Variants in RNF4 observed in about 807,000 individuals in gnomAD.
RNF4 encodes E3 ubiquitin-protein ligase RNF4.
A neutral mutation model predicts 24.3 loss-of-function variants in RNF4; 7 were observed. The ratio of observed to expected loss-of-function variants is 0.29; its 90% CI spans 0.16 to 0.54. RNF4 has a LOEUF of 0.54. Among genes scored for constraint, RNF4 ranks in the 20% least tolerant of loss-of-function variants. The pLI, the probability that RNF4 is intolerant of heterozygous loss-of-function variation, is 0.95. For synonymous variants in RNF4, 83 were observed against 84.3 expected (o/e 0.98, Z 0.09); for missense variants, 209 against 248.5 (o/e 0.84, Z 1.07).
At chr4:2,505,074 T>C (rs1736037304) in intron 4 of RNF4, 2 of 152,026 alleles carry the variant, frequency 1.3e-5, no homozygotes, top group African/African-American at 4.8e-5. Flanking sequence ...TATATAAACT[T>C]TTTTCATCAT....
intron 1 of RNF4, chr4:2,470,184 G>T (rs1053323951): frequency 6.6e-6 from 1 of 152,234 alleles, no homozygotes; most frequent in Non-Finnish European, 1.5e-5. Flanking sequence ...CTGTCCAACT[G>T]ACTGGGGAGA....
rs902162685 is a variant in RNF4, at chr4:2,512,460, T to C, written c.237T>C (p.Asn79=). ...TAGAAAGAAGAAGACCAAGGAGGAA[T>C]GCTAGGAGGCTGCCCCAGGACCATG... ...IVDERRRPRR[N]ARRLPQDHAD... Residue 79 remains asparagine (N), a synonymous_variant, in exon 6 of 8, where the codon AAT becomes AAC. Transcript: ENST00000314289. This position sits in a 1 kb window ranked among gnomAD's most constrained non-coding sequence, Gnocchi z 4.1. 12 of 1,612,526 alleles carry C rather than the reference T, an allele frequency of 7.4e-6. No homozygotes were observed. Among genetic ancestry groups the C allele is most frequent in the African/African-American group, 2.7e-5 (2 of 74,940 alleles).
chr4:2,498,231 T>G (rs1300815811), intron 3 of RNF4, among the ~76,000 whole-genome samples: 1 of 152,168 alleles, frequency 6.6e-6, no homozygotes, highest in Non-Finnish European at 1.5e-5. Context: ...TCAGCCAGGT[T>G]GGAGTGCAAT....
chr4:2,509,130 G>T (rs2108777705), intron 4 of RNF4, among the ~76,000 whole-genome samples: 1 of 150,366 alleles, frequency 6.7e-6, no homozygotes, highest in African/African-American at 2.4e-5. Context: ...TGTTGGCCAG[G>T]CTGGTCTCAA....
At chr4:2,509,007 C>T (rs542179024) in intron 4 of RNF4, among the ~76,000 whole-genome samples, 1 of 151,144 alleles carries the variant, frequency 6.6e-6, no homozygotes, top group African/African-American at 2.4e-5. Flanking sequence ...CAGCCTCCAC[C>T]TCCCGGGCTC....
At position 2,510,310 on chromosome 4, in the gene RNF4, A is replaced by T. The variant is rs1234273039; in HGVS notation, c.205-1646A>T. Reference sequence around the variant, plus strand: ...CAGTGTCTGGGCTGGGTCTCCAGGAATAACTCTTGACCTCGAAGCATTGAC... The same window carrying T: ...CAGTGTCTGGGCTGGGTCTCCAGGATTAACTCTTGACCTCGAAGCATTGAC... On this transcript the variant is annotated intron_variant, in intron 4 of 7. Transcript: ENST00000314289. Among the ~76,000 whole-genome samples the T allele has an allele frequency of 6.6e-5, 10 of 152,310 alleles. No homozygotes were observed. In the East Asian group the frequency reaches 1.9e-3, roughly 29 times the overall value.
At chr4:2,479,146 T>A (rs1449731298) in intron 1 of RNF4, among the ~76,000 whole-genome samples, 1 of 152,248 alleles carries the variant, frequency 6.6e-6, no homozygotes, top group Non-Finnish European at 1.5e-5. Context: ...CCCCTTTGTT[T>A]TGGCCAATTT....
chr4:2,485,138 C>T (rs2108756942), intron 1 of RNF4, among the ~76,000 whole-genome samples: 1 of 152,306 alleles, frequency 6.6e-6, no homozygotes, highest in East Asian at 1.9e-4. Context: ...CTCTAGACAG[C>T]CCGGCTTGAT....
At chr4:2,502,559 C>T (rs1478113507) in intron 4 of RNF4, among the ~76,000 whole-genome samples, 1 of 151,802 alleles carries the variant, frequency 6.6e-6, no homozygotes. Context: ...GTAGTCCCAG[C>T]TATTCAGGAG....
At chr4:2,484,071 C>CCCCCCCCCG (rs141021221) in intron 1 of RNF4, among the ~76,000 whole-genome samples, 1 of 50,234 alleles carries the variant, frequency 2.0e-5, no homozygotes, top group Non-Finnish European at 5.5e-5. Context: ...AGGTGATCCC[C>CCCCCCCCCG]CCCCGCCTCG....
At chr4:2,472,782 G>A (rs1033233790) in intron 1 of RNF4, among the ~76,000 whole-genome samples, 9 of 152,010 alleles carry the variant, frequency 5.9e-5, no homozygotes, top group East Asian at 3.9e-4. Context: ...TGGCTCACCC[G>A]TGTAATCCCA....
chr4:2,477,117 G>C (rs967496601), intron 1 of RNF4, among the ~76,000 whole-genome samples: 14 of 152,068 alleles, frequency 9.2e-5, no homozygotes, highest in African/African-American at 3.4e-4. Context: ...TAATCCTCTT[G>C]CCTCAGTGTC....
At chr4:2,493,730 T>G (rs550142754) in intron 2 of RNF4, among the ~76,000 whole-genome samples, 10 of 97,998 alleles carry the variant, frequency 1.0e-4, no homozygotes, top group Admixed American at 4.4e-4. Context: ...AGCAACAGAG[T>G]GAGACTCCGT....
At chr4:2,476,357 C>G (rs1280415545) in intron 1 of RNF4, among the ~76,000 whole-genome samples, 1 of 152,054 alleles carries the variant, frequency 6.6e-6, no homozygotes, top group Non-Finnish European at 1.5e-5. Flanking sequence ...TAGAAATGTT[C>G]TCTCCTATTC....
At chr4:2,505,508 G>C (rs946208248) in intron 4 of RNF4, 1 of 150,580 alleles carries the variant, frequency 6.6e-6, no homozygotes, top group Non-Finnish European at 1.5e-5. Flanking sequence ...TGTATTTTTA[G>C]TAGAGACGGG....
At chr4:2,475,162 A>G (rs846240) in intron 1 of RNF4, among the ~76,000 whole-genome samples, 128,452 of 152,210 alleles carry the variant, frequency 0.84, 54,254 homozygotes, top group South Asian at 0.89. Flanking sequence ...TCAAATGATC[A>G]TTAGCATTTT....
At chr4:2,476,848 C>G (rs2108750362) in intron 1 of RNF4, among the ~76,000 whole-genome samples, 1 of 148,944 alleles carries the variant, frequency 6.7e-6, no homozygotes, top group African/African-American at 2.5e-5. Context: ...CTTGTTCTTT[C>G]TCAACTCACT....
In RNF4 at chr4:2,512,361, A is replaced by C. The variant is rs767401884; in HGVS notation, c.215-77A>C. On this transcript the variant is annotated intron_variant, in intron 5 of 7. Transcript: ENST00000314289. The surrounding 1 kb of genome is among the most constrained non-coding windows in gnomAD (Gnocchi z 4.1). ...CAGGCAGGGAAGGAAGAGGGTCTTA[A>C]GAGGCGTCAGGATGGGAGTGGTGAG... 10 of 1,507,408 alleles carry C rather than the reference A, an allele frequency of 6.6e-6. No homozygotes were observed. Among genetic ancestry groups the C allele is most frequent in the Non-Finnish European group, 8.1e-6 (9 of 1,107,424 alleles). 93.4% of individuals were successfully genotyped at this position (1,507,408 alleles called of 1,614,324 possible). A position where few individuals can be genotyped will look rare whatever the true frequency, so the allele number is the denominator to read the frequency against.
chr4:2,485,024 G>A (rs1170017256), intron 1 of RNF4, among the ~76,000 whole-genome samples: 1 of 152,180 alleles, frequency 6.6e-6, no homozygotes, highest in Non-Finnish European at 1.5e-5. Context: ...CCTCCACACA[G>A]TGCTCGTGTG....
Sources: allele counts gnomAD v4.1 joint callset (sites outside exome capture counted in the v4.1 genomes callset), GRCh38; gene constraint gnomAD v4.1.1; non-coding constraint Gnocchi (gnomAD v3.1); transcripts MANE v1.5; gene names NCBI Gene and HGNC (gene_info 2026-07-23, HGNC 2026-07-21).